The following PDCD5 variants were observed in gnomAD, a reference collection of about 807,000 sequenced individuals.
PDCD5 encodes programmed cell death 5.
PDCD5 carries 23 observed loss-of-function variants against 21.9 expected under a neutral mutation model. The ratio of observed to expected loss-of-function variants is 1.05; its 90% CI spans 0.76 to 1.49. The LOEUF is 1.49. PDCD5 is among the 40% of genes most tolerant of loss of function. PDCD5 has a pLI of 0.00. For synonymous variants in PDCD5, 45 were observed against 49.4 expected (o/e 0.91, Z 0.37); for missense variants, 152 against 147.7 (o/e 1.03, Z -0.15).
intron 4 of PDCD5, 99 bp downstream of exon 4, chr19:32,586,006 GCTGA>G: frequency 1.2e-6 from 2 of 1,609,006 alleles, no homozygotes; most frequent in Non-Finnish European, 1.7e-6. Flanking sequence ...CAGAATTCTT[GCTGA>G]CTCTCAGAAG....
In PDCD5 at chr19:32,584,950, G is replaced by A. The variant is rs1263440953; in HGVS notation, c.105G>A (p.Arg35=). 6.2e-7 allele frequency: 1 copy of A among 1,613,234 alleles called. No homozygotes were observed. The highest frequency in any genetic ancestry group is 2.2e-5 in the East Asian group (1 of 44,878). Residue 35 remains arginine, a splice_region_variant and synonymous_variant, in exon 3 of 6, where the codon AGG becomes AGA. Coordinates refer to ENST00000590247, the MANE Select transcript of PDCD5 (RefSeq NM_004708.4). ...GDAAQQEAKH[R]EAEMRNSILA... Reference sequence around the variant, plus strand: ...TGTTTGACCTATGTTTTCGTTGTAGGGAAGCAGAAATGAGAAACAGTATCT... The same window carrying A: ...TGTTTGACCTATGTTTTCGTTGTAGAGAAGCAGAAATGAGAAACAGTATCT...
chr19:32,586,615 T>C, intron 4 of PDCD5: 1 of 1,238,276 alleles, frequency 8.1e-7, no homozygotes, highest in Non-Finnish European at 1.0e-6. Context: ...GCTTTCAGTT[T>C]TCCTGAGGAA....
intron 4 of PDCD5, 36 bp downstream of exon 4, chr19:32,585,943 C>T (rs764763304): frequency 1.9e-6 from 3 of 1,613,976 alleles, no homozygotes; most frequent in South Asian, 2.2e-5. Context: ...TTTACTGTTA[C>T]CTGCTTTATC....
At chr19:32,585,784 G>T in intron 3 of PDCD5, 32 bp from the exon 4 acceptor site, 1 of 1,243,794 alleles carries the variant, frequency 8.0e-7, no homozygotes, top group Non-Finnish European at 1.2e-6. Context: ...TGATTTTAAT[G>T]GATTTTTTGC....
At chr19:32,583,684 A>G (rs1034746016) in intron 2 of PDCD5, among the ~76,000 whole-genome samples, 3 of 151,444 alleles carry the variant, frequency 2.0e-5, no homozygotes, top group Non-Finnish European at 4.4e-5. Context: ...GTGGCAGGCC[A>G]GGTGTGGTGA....
At chr19:32,582,383 T>C (rs1460104555) in intron 2 of PDCD5, 151 bp downstream of exon 2, 3 of 677,050 alleles carry the variant, frequency 4.4e-6, no homozygotes, top group African/African-American at 1.8e-5. Context: ...ATCTTCATTA[T>C]TGTTAAATAA....
Position 32,582,207 on chromosome 19 carries a change from G to A in PDCD5, c.79G>A (p.Ala27Thr). ...TTTTTTTTTCCAGGATCCTGGTGAT[G>A]CGGCCCAACAGGAAGCAAAGCACAG... ...LQAKHGDPGDAAQQEAKHREA... is the reference protein window; with the variant it reads ...LQAKHGDPGDTAQQEAKHREA... The change falls in exon 2 of 6, where the codon GCG becomes ACG. Residue 27 changes from alanine to threonine, a missense_variant. Ala to Thr is a moderately conservative substitution (Grantham distance 58). Transcript: ENST00000590247. 1 of 1,612,670 alleles carries A rather than the reference G, an allele frequency of 6.2e-7. No homozygotes were observed. The highest frequency in any genetic ancestry group is 1.1e-5 in the South Asian group (1 of 90,924).
In PDCD5 at chr19:32,581,347, C is replaced by A. The variant is rs771358055; in HGVS notation, c.66+20C>A. On this transcript the variant is annotated intron_variant, in intron 1 of 5. Transcript: ENST00000590247. ...CACGGGGTGAGCGCATCAGCCCCCG[C>A]CAGGCTTGGCCCTCGCGGGGCGCCG... The A allele has an allele frequency of 1.9e-4, 278 of 1,468,302 alleles. 1 individual carries two copies. The highest frequency in any genetic ancestry group is 2.8e-4 in the Admixed American group (12 of 43,080). The allele number at this position is 1,468,302 out of a possible 1,614,324, so 91.0% of individuals were successfully genotyped here.
intron 2 of PDCD5, among the ~76,000 whole-genome samples, chr19:32,582,858 A>G (rs1355063297): frequency 6.6e-6 from 1 of 152,094 alleles, no homozygotes; most frequent in Non-Finnish European, 1.5e-5. Flanking sequence ...CTCTCCAGCA[A>G]ATATTTATAG....
intron 4 of PDCD5, 76 bp from the exon 5 acceptor site, chr19:32,586,782 A>G (rs1383974576): frequency 1.3e-6 from 2 of 1,544,790 alleles, no homozygotes; most frequent in African/African-American, 1.4e-5. Flanking sequence ...AAAAGAGTAC[A>G]AAGTGATTCC....
At chr19:32,581,396 G>T in intron 1 of PDCD5, 69 bp downstream of exon 1, 1 of 1,120,640 alleles carries the variant, frequency 8.9e-7, no homozygotes, top group Non-Finnish European at 1.2e-6. Flanking sequence ...TGTAGGGCGC[G>T]CCTCCGGGGC....
At chr19:32,585,775 G>T in intron 3 of PDCD5, 41 bp from the exon 4 acceptor site, 2 of 1,159,334 alleles carry the variant, frequency 1.7e-6, no homozygotes, top group South Asian at 2.5e-5. Context: ...AAGTGCATTT[G>T]ATTTTAATGG....
intron 3 of PDCD5, 27 bp downstream of exon 3, chr19:32,585,038 A>G (rs1220720274): frequency 6.3e-7 from 1 of 1,575,554 alleles, no homozygotes; most frequent in Non-Finnish European, 8.7e-7. Flanking sequence ...TCATTTCCAT[A>G]AAGTTAGCTT....
chr19:32,582,025 C>T (rs1489938469), intron 1 of PDCD5, among the ~76,000 whole-genome samples, 170 bp from the exon 2 acceptor site: 4 of 152,124 alleles, frequency 2.6e-5, no homozygotes, highest in Non-Finnish European at 5.9e-5. Context: ...TTCATCAAAA[C>T]GTTGTAAGTG....
Position 32,581,242 on chromosome 19 carries a change from T to TGACCGCGGCTGCA in PDCD5, c.-20_-19insGACCGCGGCTGCA. 6.7e-7 allele frequency: 1 copy of TGACCGCGGCTGCA among 1,483,870 alleles called. No homozygotes were observed. Among genetic ancestry groups the TGACCGCGGCTGCA allele is most frequent in the Non-Finnish European group, 9.0e-7 (1 of 1,114,280 alleles). 91.9% of individuals were successfully genotyped at this position (1,483,870 alleles called of 1,614,324 possible). Reference sequence around the variant, plus strand: ...GGGCTGCGAGAGTGACCGCGGCTGCTCCAGCGCTGACGCCGAGCCATGGCG... The same window carrying TGACCGCGGCTGCA: ...GGGCTGCGAGAGTGACCGCGGCTGCTGACCGCGGCTGCACCAGCGCTGACGCCGAGCCATGGCG... On this transcript the variant is annotated 5_prime_UTR_variant, in exon 1 of 6. Transcript: ENST00000590247.
intron 1 of PDCD5, 100 bp downstream of exon 1, chr19:32,581,427 C>G (rs1020823439): frequency 2.4e-5 from 17 of 718,736 alleles, no homozygotes; most frequent in Non-Finnish European, 2.8e-5. Flanking sequence ...GGCGCCTCCC[C>G]GGGGCCCCGG....
At position 32,586,833 on chromosome 19, in the gene PDCD5, TTCTTA is replaced by T. The variant is rs1198049299; in HGVS notation, c.259-20_259-16del. 3.1e-6 allele frequency: 5 copies of T among 1,593,284 alleles called. No individual in the cohort carries two copies. The highest frequency in any genetic ancestry group is 3.4e-6 in the Non-Finnish European group (4 of 1,174,390). ...TTCTTTGTTTAAAAAAGTACTGTTTTTCTTATCTTTTCTGGTTCTCCTAGGTATCA... is the reference window on the plus strand; with the variant it reads ...TTCTTTGTTTAAAAAAGTACTGTTTTTCTTTTCTGGTTCTCCTAGGTATCA... On this transcript the variant is annotated intron_variant, in intron 4 of 5. Coordinates refer to ENST00000590247, the MANE Select transcript of PDCD5 (RefSeq NM_004708.4).
intron 2 of PDCD5, among the ~76,000 whole-genome samples, chr19:32,584,195 T>TC (rs1264981549): frequency 6.6e-6 from 1 of 152,116 alleles, no homozygotes; most frequent in Non-Finnish European, 1.5e-5. Context: ...AAGTGGCCTA[T>TC]GGAAATGAGC....
chr19:32,581,213 C>A lies in PDCD5; in HGVS notation c.-49C>A. 1 of 1,384,910 alleles carries A rather than the reference C, an allele frequency of 7.2e-7. No individual in the cohort carries two copies. Among genetic ancestry groups the A allele is most frequent in the Non-Finnish European group, 9.6e-7 (1 of 1,043,820 alleles). The allele number at this position is 1,384,910 out of a possible 1,614,324, so 85.8% of individuals were successfully genotyped here. On this transcript the variant is annotated 5_prime_UTR_variant, in exon 1 of 6. Coordinates refer to ENST00000590247, the MANE Select transcript of PDCD5 (RefSeq NM_004708.4). ...GCAGTGGTCAAGGCCGCGCTCGCGC[C>A]GAGGGGCTGCGAGAGTGACCGCGGC...
Sources: gnomAD v4.1 joint callset for allele counts (sites outside exome capture counted in the v4.1 genomes callset) on GRCh38, gnomAD v4.1.1 for gene constraint, MANE v1.5 for transcripts, NCBI Gene and HGNC (gene_info 2026-07-23, HGNC 2026-07-21) for gene names.